NPAS4: variants seen among roughly 807,000 people sequenced by gnomAD.
NPAS4 encodes the protein neuronal PAS domain protein 4, also known as neuronal PAS domain-containing protein 4.
NPAS4 carries 10 observed loss-of-function variants against 64.0 expected under a neutral mutation model. That is an observed-to-expected ratio of 0.16 (90% confidence interval 0.10 to 0.26). The LOEUF is 0.26. Ranked by LOEUF, NPAS4 falls within the 10% of genes least tolerant of loss-of-function variation. NPAS4 has a pLI of 1.00. For synonymous variants in NPAS4, 441 were observed against 411.7 expected (o/e 1.07, Z -0.86); for missense variants, 886 against 992.6 (o/e 0.89, Z 1.44).
At chr11:66,416,194 C>A (rs904330720), upstream of NPAS4, among the ~76,000 whole-genome samples, 2 of 152,152 alleles carry the variant, frequency 1.3e-5, no homozygotes, top group Admixed American at 6.6e-5. Context: ...TGCTTCATAA[C>A]GTTAAGTGGA....
upstream of NPAS4, among the ~76,000 whole-genome samples, chr11:66,418,427 G>A (rs529716599): frequency 9.9e-4 from 151 of 152,236 alleles, 1 homozygote; most frequent in Non-Finnish European, 2.0e-3. Context: ...ACGGCCTGAA[G>A]CTGCTGCCAA....
intron 7 of NPAS4, 87 bp from the exon 8 acceptor site, chr11:66,425,874 A>G: frequency 9.9e-7 from 1 of 1,007,084 alleles, no homozygotes; most frequent in Non-Finnish European, 1.6e-6. Flanking sequence ...TTTGAAGCCT[A>G]TACTAATACC....
At chr11:66,411,802 G>A in the NPAS4 span, among the ~76,000 whole-genome samples, 1 of 152,124 alleles carries the variant, frequency 6.6e-6, no homozygotes, top group Non-Finnish European at 1.5e-5. Flanking sequence ...GTTGCCCCTC[G>A]GCCCAGTCCC....
chr11:66,412,010 T>C, the NPAS4 span, among the ~76,000 whole-genome samples: 7 of 152,210 alleles, frequency 4.6e-5, no homozygotes, highest in African/African-American at 1.7e-4. Flanking sequence ...GCCTCATCTG[T>C]AAACTCCTAT....
chr11:66,425,298 C>G, intron 7 of NPAS4, 28 bp downstream of exon 7: 2 of 1,343,108 alleles, frequency 1.5e-6, no homozygotes, highest in South Asian at 3.0e-5. Flanking sequence ...TCCAAGAACT[C>G]AAGTCCCTGT....
the NPAS4 span, among the ~76,000 whole-genome samples, chr11:66,411,926 C>G: frequency 6.6e-6 from 1 of 152,194 alleles, no homozygotes; most frequent in African/African-American, 2.4e-5. Flanking sequence ...GTAATGATGG[C>G]TGGCATGTCA....
At position 66,421,263 on chromosome 11, in the gene NPAS4, G is replaced by A; in HGVS notation, c.84G>A (p.Pro28=). The part of the protein sequence containing the change: ...AEIRNLKELL[P]LAEADKVRLS... ...TCCGGAACCTCAAGGAGCTGCTGCCGCTGGCCGAAGCGGACAAGGTCCGGC... is the reference window on the plus strand; with the variant it reads ...TCCGGAACCTCAAGGAGCTGCTGCCACTGGCCGAAGCGGACAAGGTCCGGC... Residue 28 remains proline, a synonymous_variant, in exon 1 of 8, where the codon CCG becomes CCA. Transcript: ENST00000311034. The A allele has an allele frequency of 1.2e-6, 2 of 1,614,034 alleles. No individual in the cohort carries two copies. Among genetic ancestry groups the A allele is most frequent in the Non-Finnish European group, 1.7e-6 (2 of 1,179,918 alleles).
upstream of NPAS4, among the ~76,000 whole-genome samples, chr11:66,416,329 C>T (rs1471119116): frequency 2.0e-5 from 3 of 152,116 alleles, no homozygotes; most frequent in South Asian, 2.1e-4. Context: ...TTTCCAAGCT[C>T]GAGCCCCAAG....
At chr11:66,421,739 T>C (rs999072394) in intron 1 of NPAS4, among the ~76,000 whole-genome samples, 1 of 152,192 alleles carries the variant, frequency 6.6e-6, no homozygotes, top group African/African-American at 2.4e-5. Context: ...AGGGATCTCC[T>C]GTCGCCTTCG....
intron 7 of NPAS4, 118 bp downstream of exon 7, chr11:66,425,388 C>G: frequency 1.8e-6 from 1 of 560,256 alleles, no homozygotes; most frequent in Non-Finnish European, 3.0e-6. Flanking sequence ...GGGATGACAT[C>G]CCCTGCTGAA....
the NPAS4 span, among the ~76,000 whole-genome samples, chr11:66,413,674 G>A: frequency 6.6e-6 from 1 of 152,150 alleles, no homozygotes; most frequent in Non-Finnish European, 1.5e-5. Flanking sequence ...ACACTCCTCT[G>A]TCCACCCAGC....
chr11:66,424,138 A>G lies in NPAS4; in HGVS notation c.1248A>G (p.Leu416=). ...SGPEPSLQAE[L]SKDLVCTPPY... is the part of the protein sequence containing the mutation. ...CTGAGCCTTCTCTCCAAGCAGAACT[A>G]AGCAAGGATCTTGTGTGCACTCCAC... Residue 416 remains leucine, a synonymous_variant, in exon 7 of 8, where the codon CTA becomes CTG. Transcript: ENST00000311034. 6.2e-7 allele frequency: 1 copy of G among 1,614,040 alleles called. No homozygotes were observed. The highest frequency in any genetic ancestry group is 8.5e-7 in the Non-Finnish European group (1 of 1,179,996).
chr11:66,412,543 TTA>T, the NPAS4 span, among the ~76,000 whole-genome samples: 1 of 152,236 alleles, frequency 6.6e-6, no homozygotes, highest in Non-Finnish European at 1.5e-5. Flanking sequence ...TTGTTCAAAA[TTA>T]TATTTTTCAT....
chr11:66,423,301 T>A, intron 5 of NPAS4, 69 bp downstream of exon 5: 1 of 1,073,300 alleles, frequency 9.3e-7, no homozygotes, highest in South Asian at 1.3e-5. Context: ...AGACAAAGAA[T>A]GATCTGTAGT....
the NPAS4 span, among the ~76,000 whole-genome samples, chr11:66,411,247 G>A: frequency 1.3e-5 from 2 of 152,204 alleles, no homozygotes; most frequent in Non-Finnish European, 2.9e-5. Flanking sequence ...AGAGGCACTG[G>A]GACAGGTGGC....
chr11:66,415,511 A>G, the NPAS4 span, among the ~76,000 whole-genome samples: 1 of 152,216 alleles, frequency 6.6e-6, no homozygotes, highest in Non-Finnish European at 1.5e-5. Flanking sequence ...AGGCTTTTTG[A>G]ACCATATGGT....
At chr11:66,420,557 G>C (rs1214838158), upstream of NPAS4, among the ~76,000 whole-genome samples, 1 of 152,222 alleles carries the variant, frequency 6.6e-6, no homozygotes, top group African/African-American at 2.4e-5. Context: ...ACGTGACCTT[G>C]TCTGTCAAGT....
Position 66,426,122 on chromosome 11 carries a change from AG to A in NPAS4, c.*135del. 2.8e-6 allele frequency: 1 copy of A among 353,882 alleles called. No individual in the cohort carries two copies. The highest frequency in any genetic ancestry group is 5.9e-6 in the Non-Finnish European group (1 of 170,102). 21.9% of individuals were successfully genotyped at this position (353,882 alleles called of 1,614,324 possible). ...ATATATATGATTCCCCAGGCCCTGC[AG>A]GATTTTGGGGGGGGGGAGGTGGGAG... On this transcript the variant is annotated 3_prime_UTR_variant, in exon 8 of 8. Coordinates refer to ENST00000311034, the MANE Select transcript of NPAS4 (RefSeq NM_178864.4).
At chr11:66,423,410 G>C in intron 5 of NPAS4, 168 bp from the exon 6 acceptor site, 1 of 845,672 alleles carries the variant, frequency 1.2e-6, no homozygotes, top group Non-Finnish European at 1.9e-6. Context: ...ATCAGAACTG[G>C]GGGACTCTGA....
Sources: gnomAD v4.1 joint callset for allele counts (sites outside exome capture counted in the v4.1 genomes callset) on GRCh38, gnomAD v4.1.1 for gene constraint, MANE v1.5 for transcripts, NCBI Gene and HGNC (gene_info 2026-07-23, HGNC 2026-07-21) for gene names.